Variants in SPAG16 observed in about 807,000 individuals in gnomAD.
SPAG16 encodes sperm associated antigen 16, also known as sperm-associated antigen 16 protein.
A neutral mutation model predicts 80.4 loss-of-function variants in SPAG16; 86 were observed. That is an observed-to-expected ratio of 1.07 (90% CI 0.90 to 1.28). The LOEUF (loss-of-function observed/expected upper bound fraction) is 1.28. Among genes scored for constraint, SPAG16 ranks in the 50% most tolerant of loss-of-function variants. SPAG16 has a pLI of 0.00. For missense variants in SPAG16, 870 were observed against 765.3 expected (o/e 1.14, Z -1.61); for synonymous variants, 294 against 265.9 (o/e 1.11, Z -1.03).
chr2:214,370,924 A>G (rs901811222), intron 15 of SPAG16, among the ~76,000 whole-genome samples: 1 of 152,182 alleles, frequency 6.6e-6, no homozygotes, highest in South Asian at 2.1e-4. Flanking sequence ...CCAAGTCTCT[A>G]TACTATCCCT....
intron 10 of SPAG16, among the ~76,000 whole-genome samples, chr2:213,547,324 T>C (rs1469600553): frequency 1.3e-5 from 2 of 152,052 alleles, no homozygotes; most frequent in Non-Finnish European, 2.9e-5. Flanking sequence ...GAAAGAGAAA[T>C]AATATTAAAT....
chr2:213,404,729 A>T (rs945809760), intron 9 of SPAG16, among the ~76,000 whole-genome samples: 4 of 152,190 alleles, frequency 2.6e-5, no homozygotes, highest in African/African-American at 9.6e-5. Flanking sequence ...AAATTTATTT[A>T]TTCTTAATTG....
intron 10 of SPAG16, among the ~76,000 whole-genome samples, chr2:213,656,769 T>A (rs1452784187): frequency 6.6e-6 from 1 of 152,194 alleles, no homozygotes; most frequent in Non-Finnish European, 1.5e-5. Flanking sequence ...ATTTGAAGAA[T>A]CTCAATATTT....
At chr2:213,567,227 C>T (rs2059800947) in intron 10 of SPAG16, among the ~76,000 whole-genome samples, 2 of 128,120 alleles carry the variant, frequency 1.6e-5, no homozygotes, top group South Asian at 4.9e-4. Flanking sequence ...ACTTGTTTGA[C>T]ATTGTTTTTT....
At chr2:214,251,198 C>T (rs78696471) in intron 15 of SPAG16, among the ~76,000 whole-genome samples, 2,487 of 151,436 alleles carry the variant, frequency 0.016, 41 homozygotes, top group African/African-American at 0.038. Context: ...CACACACACA[C>T]CTGCACACAC....
intron 10 of SPAG16, among the ~76,000 whole-genome samples, chr2:213,596,307 A>G (rs2060884341): frequency 6.6e-6 from 1 of 152,094 alleles, no homozygotes; most frequent in Non-Finnish European, 1.5e-5. Context: ...CTCATGAAAT[A>G]TGATGTATTT....
At chr2:214,085,214 G>T (rs1286835832) in intron 13 of SPAG16, among the ~76,000 whole-genome samples, 4 of 151,842 alleles carry the variant, frequency 2.6e-5, no homozygotes, top group Non-Finnish European at 5.9e-5. Context: ...TGAGTCAAAA[G>T]ACTTATAATT....
Position 213,930,325 on chromosome 2 carries a change from A to G in SPAG16, c.1400+180A>G, listed in dbSNP as rs533000711. On this transcript the variant is annotated intron_variant, in intron 12 of 15. Coordinates refer to ENST00000331683, the MANE Select transcript of SPAG16 (RefSeq NM_024532.5). ...CTTTGTGAAATCCATTTCTAACTCC[A>G]TTAATCTTTGTTGATTAATAATTTC... is the stretch of plus-strand genomic sequence containing the variant. 2.0e-5 allele frequency among the ~76,000 whole-genome samples: 3 copies of G among 152,292 alleles called. No individual in the cohort carries two copies. In the South Asian group the frequency reaches 6.2e-4, roughly 32 times the overall value.
At chr2:214,357,362 TCTC>T (rs1235539434) in intron 15 of SPAG16, among the ~76,000 whole-genome samples, 2 of 152,074 alleles carry the variant, frequency 1.3e-5, no homozygotes, top group East Asian at 3.9e-4. Flanking sequence ...TTCACACTAT[TCTC>T]CTTTTTGTCA....
chr2:213,840,205 TTAA>T (rs1232190209), intron 10 of SPAG16, among the ~76,000 whole-genome samples: 1 of 152,194 alleles, frequency 6.6e-6, no homozygotes. Flanking sequence ...ATCGTTGACT[TTAA>T]TAATAACCAT....
At chr2:213,727,856 AT>A (rs776352694) in intron 10 of SPAG16, among the ~76,000 whole-genome samples, 1 of 151,510 alleles carries the variant, frequency 6.6e-6, no homozygotes, top group African/African-American at 2.4e-5. Context: ...ATTTTATTTT[AT>A]TTTATTTTGA....
chr2:213,789,776 G>A (rs188561688), intron 10 of SPAG16, among the ~76,000 whole-genome samples: 1 of 151,964 alleles, frequency 6.6e-6, no homozygotes, highest in East Asian at 1.9e-4. Context: ...AAAATTGAAT[G>A]TATCTACTTA....
intron 10 of SPAG16, among the ~76,000 whole-genome samples, chr2:213,834,434 C>T (rs2073966951): frequency 6.6e-6 from 1 of 152,174 alleles, no homozygotes; most frequent in Admixed American, 6.5e-5. Context: ...AGGGTATGAT[C>T]TAATAGTATT....
intron 15 of SPAG16, among the ~76,000 whole-genome samples, chr2:214,188,203 G>A (rs2057541814): frequency 6.6e-6 from 1 of 152,086 alleles, no homozygotes; most frequent in Non-Finnish European, 1.5e-5. Context: ...GTCTACAAAG[G>A]AAATTCAAAA....
At chr2:213,572,796 C>A (rs891339845) in intron 10 of SPAG16, among the ~76,000 whole-genome samples, 2 of 152,120 alleles carry the variant, frequency 1.3e-5, no homozygotes, top group Admixed American at 1.3e-4. Flanking sequence ...GCTTTGTTTA[C>A]CTAAGCAAGC....
At chr2:213,821,161 T>C (rs184443100) in intron 10 of SPAG16, among the ~76,000 whole-genome samples, 11 of 152,262 alleles carry the variant, frequency 7.2e-5, no homozygotes, top group Middle Eastern at 3.4e-3. Context: ...TCTGTCATAT[T>C]GTTTTCTATT....
At chr2:213,726,738 C>T (rs1263669449) in intron 10 of SPAG16, among the ~76,000 whole-genome samples, 2 of 152,132 alleles carry the variant, frequency 1.3e-5, no homozygotes, top group African/African-American at 4.8e-5. Context: ...TGATCACACT[C>T]ATATGGATTG....
intron 15 of SPAG16, among the ~76,000 whole-genome samples, chr2:214,280,035 A>G (rs1461407344): frequency 6.6e-6 from 1 of 152,240 alleles, no homozygotes; most frequent in Non-Finnish European, 1.5e-5. Flanking sequence ...GATGTCTCAA[A>G]TTGATGACAC....
chr2:213,835,452 C>T (rs367831690), intron 10 of SPAG16, among the ~76,000 whole-genome samples: 1 of 152,308 alleles, frequency 6.6e-6, no homozygotes, highest in African/African-American at 2.4e-5. Context: ...ACAAACTACT[C>T]AACCATTGCT....
Sources: gnomAD v4.1 joint callset for allele counts (sites outside exome capture counted in the v4.1 genomes callset) on GRCh38, gnomAD v4.1.1 for gene constraint, MANE v1.5 for transcripts, NCBI Gene and HGNC (gene_info 2026-07-23, HGNC 2026-07-21) for gene names.